GLIS3: variants seen among roughly 807,000 people sequenced by gnomAD.
GLIS3 encodes GLIS family zinc finger 3, also known as zinc finger protein GLIS3.
A neutral mutation model predicts 78.6 loss-of-function variants in GLIS3; 53 were observed. The observed-to-expected ratio is 0.67, with a 90% confidence interval of 0.54 to 0.85. The LOEUF (loss-of-function observed/expected upper bound fraction) is 0.85. Ranked by LOEUF, GLIS3 falls within the 40% of genes least tolerant of loss-of-function variation. The probability of loss-of-function intolerance (pLI) is 0.00; values close to 1 mark genes in which losing one functional copy is unlikely to be tolerated. For missense variants in GLIS3, 1,703 were observed against 1,231.1 expected, an observed-to-expected ratio of 1.38 and a Z score of -5.74; for synonymous variants, 684 against 509.9, an observed-to-expected ratio of 1.34 and a Z score of -4.60.
At chr9:4,223,103 T>C (rs1259891445) in intron 2 of GLIS3, among the ~76,000 whole-genome samples, 2 of 152,186 alleles carry the variant, frequency 1.3e-5, no homozygotes, top group African/African-American at 4.8e-5. Flanking sequence ...AACCTTTTCA[T>C]ATTTATGAAG....
the GLIS3 span, among the ~76,000 whole-genome samples, chr9:4,427,293 C>T: frequency 6.6e-6 from 1 of 152,182 alleles, no homozygotes; most frequent in African/African-American, 2.4e-5. Context: ...GAACTCCCCT[C>T]TTCTCCACTT....
At chr9:4,355,104 C>G in the GLIS3 span, among the ~76,000 whole-genome samples, 2 of 150,626 alleles carry the variant, frequency 1.3e-5, no homozygotes, top group African/African-American at 4.9e-5. Flanking sequence ...GCACTCTTAG[C>G]CTGGGCGACA....
intron 1 of GLIS3, among the ~76,000 whole-genome samples, chr9:4,299,053 GC>G (rs1816876337): frequency 1.3e-5 from 2 of 152,104 alleles, no homozygotes; most frequent in South Asian, 2.1e-4. Context: ...CCTGTAACGT[GC>G]CCTGATTGTG....
the GLIS3 span, among the ~76,000 whole-genome samples, chr9:4,450,590 G>C: frequency 7.9e-5 from 12 of 152,316 alleles, no homozygotes; most frequent in African/African-American, 2.9e-4. Context: ...GTTAAGGGCA[G>C]CCAGAGAGAA....
intron 7 of GLIS3, among the ~76,000 whole-genome samples, chr9:3,886,668 T>G: frequency 6.6e-6 from 1 of 152,192 alleles, no homozygotes; most frequent in African/African-American, 2.4e-5. Flanking sequence ...CCCCCAATAG[T>G]GAAAATACAA....
chr9:4,401,468 T>C, the GLIS3 span, among the ~76,000 whole-genome samples: 1 of 152,056 alleles, frequency 6.6e-6, no homozygotes, highest in Non-Finnish European at 1.5e-5. Context: ...TTCTCCATGT[T>C]GGTCAGGCTG....
At chr9:4,152,157 C>A in intron 2 of GLIS3, 1 of 978,140 alleles carries the variant, frequency 1.0e-6, no homozygotes, top group South Asian at 4.7e-5. Flanking sequence ...ACTCTGCTTC[C>A]TCCAACACCC....
intron 2 of GLIS3, among the ~76,000 whole-genome samples, chr9:4,275,716 T>A (rs1826920953): frequency 6.6e-6 from 1 of 151,972 alleles, no homozygotes; most frequent in African/African-American, 2.4e-5. Context: ...TGAGCTATGA[T>A]CGTGCTACTG....
intron 9 of GLIS3, among the ~76,000 whole-genome samples, chr9:3,848,437 G>A (rs534520819): frequency 2.2e-4 from 34 of 152,298 alleles, no homozygotes; most frequent in African/African-American, 7.7e-4. Flanking sequence ...AGGAGGCGGA[G>A]GTTGCCGTGA....
intron 2 of GLIS3, among the ~76,000 whole-genome samples, chr9:4,204,619 G>A (rs992003085): frequency 1.3e-5 from 2 of 152,076 alleles, no homozygotes; most frequent in African/African-American, 4.8e-5. Context: ...AGAGAGTCAA[G>A]TATCAAGAAG....
At position 4,118,814 on chromosome 9, in the gene GLIS3, T is replaced by C. The variant is rs767805129; in HGVS notation, c.664A>G (p.Ser222Gly). ...CCCTGGGACCACTCCTGCTTCATGC[T>C]TGAGGCCGACTGACTTTCCGTCAGA... ...LSLTESQSAS[S>G]MKQEWSQGYR... The change falls in exon 4 of 11, where the codon AGC (serine) becomes GGC (glycine). Residue 222 changes from serine (S) to glycine (G), a missense_variant. Transcript: ENST00000381971. The surrounding 1 kb of genome is among the most constrained non-coding windows in gnomAD (Gnocchi z 4.7). 7 of 1,608,704 alleles carry C rather than the reference T, an allele frequency of 4.4e-6. No homozygotes were observed. In the African/African-American group the frequency reaches 5.3e-5, roughly 12 times the overall value.
At chr9:4,446,226 T>G in the GLIS3 span, among the ~76,000 whole-genome samples, 1 of 152,178 alleles carries the variant, frequency 6.6e-6, no homozygotes, top group Non-Finnish European at 1.5e-5. Flanking sequence ...AATTAAGCCA[T>G]GAGGGCTTTT....
chr9:4,294,504 T>C (rs116499629), intron 1 of GLIS3, among the ~76,000 whole-genome samples: 4,474 of 149,700 alleles, frequency 0.03, 216 homozygotes, highest in African/African-American at 0.1. Context: ...AGCGAAATTA[T>C]GTCTCAAAAA....
chr9:4,020,087 G>C (rs1018884662), intron 4 of GLIS3, among the ~76,000 whole-genome samples: 1 of 152,106 alleles, frequency 6.6e-6, no homozygotes, highest in African/African-American at 2.4e-5. Flanking sequence ...TAGACCTTAT[G>C]GAGAAGGTGA....
At chr9:4,232,149 G>T (rs1384673323) in intron 2 of GLIS3, among the ~76,000 whole-genome samples, 1 of 152,118 alleles carries the variant, frequency 6.6e-6, no homozygotes, top group African/African-American at 2.4e-5. Context: ...AGGCTGAAGT[G>T]GGAGGACTGC....
chr9:3,922,757 A>C (rs914620317), intron 6 of GLIS3, among the ~76,000 whole-genome samples: 1 of 152,166 alleles, frequency 6.6e-6, no homozygotes, highest in Admixed American at 6.5e-5. Flanking sequence ...AAATATAAAG[A>C]GAGAAAGCCA....
intron 2 of GLIS3, among the ~76,000 whole-genome samples, chr9:4,178,435 GAGA>G (rs989211234): frequency 4.6e-5 from 7 of 152,196 alleles, no homozygotes; most frequent in African/African-American, 1.2e-4. Context: ...AATGAGATAG[GAGA>G]AGGAGGGGAA....
chr9:4,469,602 C>A, the GLIS3 span, among the ~76,000 whole-genome samples: 3 of 152,128 alleles, frequency 2.0e-5, no homozygotes, highest in Non-Finnish European at 4.4e-5. Flanking sequence ...AACAAAGACA[C>A]AACATACCAG....
chr9:4,315,957 G>C (rs1817431298), intron 2 of GLIS3, among the ~76,000 whole-genome samples: 1 of 152,088 alleles, frequency 6.6e-6, no homozygotes, highest in Non-Finnish European at 1.5e-5. Context: ...ACAAAACTCT[G>C]CTACTCTAAA....
Sources: allele counts gnomAD v4.1 joint callset (sites outside exome capture counted in the v4.1 genomes callset), GRCh38; gene constraint gnomAD v4.1.1; non-coding constraint Gnocchi (gnomAD v3.1); transcripts MANE v1.5; gene names NCBI Gene and HGNC (gene_info 2026-07-23, HGNC 2026-07-21).